NTRK3: variants seen among roughly 807,000 people sequenced by gnomAD.
The protein encoded by NTRK3 is neurotrophic receptor tyrosine kinase 3.
Under a neutral mutation model 91.7 loss-of-function variants are expected in NTRK3, and 24 were observed. The ratio of observed to expected loss-of-function variants is 0.26; its 90% CI spans 0.19 to 0.37. The LOEUF is 0.37. Among genes scored for constraint, NTRK3 ranks in the 10% least tolerant of loss-of-function variants. NTRK3 has a pLI of 1.00. For synonymous variants in NTRK3, 483 were observed against 404.0 expected (o/e 1.20, Z -2.34); for missense variants, 880 against 1,068.9 (o/e 0.82, Z 2.46).
intron 3 of NTRK3, among the ~76,000 whole-genome samples, chr15:88,198,877 C>A (rs1164494212): frequency 6.6e-6 from 1 of 152,290 alleles, no homozygotes; most frequent in Admixed American, 6.5e-5. Flanking sequence ...CTGACTGACA[C>A]ACACTCCTCA....
intron 13 of NTRK3, among the ~76,000 whole-genome samples, chr15:88,079,235 T>C (rs954437246): frequency 2.0e-5 from 3 of 152,124 alleles, no homozygotes; most frequent in African/African-American, 7.2e-5. Context: ...TGGGATTAGA[T>C]GTGAAGTAAG....
At chr15:88,226,276 C>T (rs968711997) in intron 3 of NTRK3, among the ~76,000 whole-genome samples, 2 of 152,194 alleles carry the variant, frequency 1.3e-5, no homozygotes, top group Non-Finnish European at 2.9e-5. Flanking sequence ...TCCCTGCCCT[C>T]CAATGCCCTC....
At chr15:88,017,274 G>T (rs553241538) in intron 14 of NTRK3, among the ~76,000 whole-genome samples, 67 of 152,214 alleles carry the variant, frequency 4.4e-4, no homozygotes, top group Admixed American at 2.0e-3. Context: ...AAGCATGGAT[G>T]TTAGAAGCTC....
intron 13 of NTRK3, among the ~76,000 whole-genome samples, chr15:88,074,747 T>C (rs1369011537): frequency 1.3e-5 from 2 of 152,184 alleles, no homozygotes; most frequent in African/African-American, 4.8e-5. Context: ...ACTAGAGAAA[T>C]TCATCTTGAT....
At chr15:88,182,829 A>C (rs2046605735) in intron 5 of NTRK3, among the ~76,000 whole-genome samples, 1 of 152,152 alleles carries the variant, frequency 6.6e-6, no homozygotes, top group African/African-American at 2.4e-5. Context: ...GGGAAAGGGG[A>C]GAGACAGGAT....
intron 5 of NTRK3, among the ~76,000 whole-genome samples, chr15:88,170,422 G>A (rs2045397050): frequency 6.6e-6 from 1 of 152,130 alleles, no homozygotes; most frequent in African/African-American, 2.4e-5. Context: ...CCAGTGCTTT[G>A]GTGAGGTTCC....
chr15:87,989,889 GA>G (rs145024950), intron 14 of NTRK3, among the ~76,000 whole-genome samples: 4,770 of 152,236 alleles, frequency 0.031, 107 homozygotes, highest in Non-Finnish European at 0.048. Flanking sequence ...TTACAGGTGT[GA>G]GCCATCATGC....
rs961399517 is a variant in NTRK3, at chr15:88,137,332, C to T, written c.622+72G>A. 2.7e-5 allele frequency: 43 copies of T among 1,574,454 alleles called. No individual in the cohort carries two copies. In the East Asian group the frequency reaches 2.9e-4, roughly 11 times the overall value. On this transcript the variant is annotated intron_variant, in intron 7 of 18. Coordinates refer to ENST00000394480, the Ensembl canonical transcript of NTRK3. ...GGAAGGCTCTGGCATCCCAAGGTAA[C>T]GTCCAGCACCATCTCTGGTGTCTGA...
intron 13 of NTRK3, among the ~76,000 whole-genome samples, chr15:88,103,965 A>T (rs551810544): frequency 4.6e-4 from 70 of 152,308 alleles, no homozygotes; most frequent in African/African-American, 1.6e-3. Flanking sequence ...ATAACTGGCC[A>T]CTGACTTAGG....
exon 19 of NTRK3, chr15:87,863,165 C>T (rs2064570694): frequency 1.3e-5 from 3 of 230,056 alleles, no homozygotes; most frequent in South Asian, 1.8e-4. Context: ...GGGAGTGTTA[C>T]TCCAAACCCA....
At chr15:88,005,075 AC>A (rs1298820710) in intron 14 of NTRK3, among the ~76,000 whole-genome samples, 1 of 152,038 alleles carries the variant, frequency 6.6e-6, no homozygotes, top group African/African-American at 2.4e-5. Context: ...TATTCGTGTT[AC>A]TCCAAAGGTT....
chr15:88,165,275 T>A (rs1195276507), intron 5 of NTRK3, among the ~76,000 whole-genome samples: 1 of 152,172 alleles, frequency 6.6e-6, no homozygotes, highest in African/African-American at 2.4e-5. Flanking sequence ...AAGGAATGAT[T>A]TACACCTTGA....
At chr15:88,097,971 T>C (rs957166119) in intron 13 of NTRK3, among the ~76,000 whole-genome samples, 2 of 152,230 alleles carry the variant, frequency 1.3e-5, no homozygotes, top group Non-Finnish European at 2.9e-5. Flanking sequence ...CTATCTTCTT[T>C]AAAAAATGTG....
At chr15:88,162,693 G>A (rs1313441261) in intron 5 of NTRK3, among the ~76,000 whole-genome samples, 1 of 152,200 alleles carries the variant, frequency 6.6e-6, no homozygotes, top group Admixed American at 6.5e-5. Flanking sequence ...AATATCATCA[G>A]GATAGCAAAC....
intron 17 of NTRK3, among the ~76,000 whole-genome samples, chr15:87,911,314 T>TGC (rs2067075932): frequency 6.6e-6 from 1 of 152,188 alleles, no homozygotes; most frequent in East Asian, 1.9e-4. Flanking sequence ...GTCCTTAAAT[T>TGC]GCTCTACCAC....
At chr15:88,256,571 T>C (rs1273873110) in intron 1 of NTRK3, 73 bp downstream of exon 1, 4 of 492,246 alleles carry the variant, frequency 8.1e-6, no homozygotes, top group Non-Finnish European at 1.4e-5. Context: ...AAGTCCCACC[T>C]ACTGGGCAGA....
chr15:88,236,733 C>A (rs1263755529), intron 3 of NTRK3, among the ~76,000 whole-genome samples: 1 of 141,074 alleles, frequency 7.1e-6, no homozygotes, highest in Non-Finnish European at 1.5e-5. Context: ...GCCCATGAAA[C>A]CAAAAACAAC....
chr15:87,961,624 G>A (rs1490149858), intron 14 of NTRK3, among the ~76,000 whole-genome samples: 1 of 152,238 alleles, frequency 6.6e-6, no homozygotes. Context: ...TCTGAAGTGG[G>A]CTGCAGTGGC....
At chr15:87,886,737 AAC>A (rs368496451) in intron 17 of NTRK3, among the ~76,000 whole-genome samples, 160 of 131,736 alleles carry the variant, frequency 1.2e-3, no homozygotes, top group African/African-American at 3.7e-3. Context: ...CACACACATA[AAC>A]ACACACACAC....
Sources: gnomAD v4.1 joint callset for allele counts (sites outside exome capture counted in the v4.1 genomes callset) on GRCh38, gnomAD v4.1.1 for gene constraint, MANE v1.5 for transcripts, NCBI Gene and HGNC (gene_info 2026-07-23, HGNC 2026-07-21) for gene names.